Variants in ZBED4 observed in about 807,000 individuals in gnomAD.
ZBED4 encodes zinc finger BED-type containing 4, also known as zinc finger BED domain-containing protein 4.
Under a neutral mutation model 15.5 loss-of-function variants are expected in ZBED4, and 4 were observed. The ratio of observed to expected loss-of-function variants is 0.26; its 90% CI spans 0.13 to 0.59. ZBED4 has a LOEUF of 0.59. Among genes scored for constraint, ZBED4 ranks in the 20% least tolerant of loss-of-function variants. The pLI is 0.90. For missense variants in ZBED4, 1,323 were observed against 1,461.8 expected, an observed-to-expected ratio of 0.91 and a Z score of 1.55; for synonymous variants, 692 against 608.5, an observed-to-expected ratio of 1.14 and a Z score of -2.02.
At chr22:49,874,285 CAG>C (rs1180032677) in intron 1 of ZBED4, among the ~76,000 whole-genome samples, 13 of 152,252 alleles carry the variant, frequency 8.5e-5, no homozygotes, top group South Asian at 2.1e-4. Context: ...CTGGTTTGTG[CAG>C]AGTTTTTGCT....
Position 49,889,431 on chromosome 22 carries a change from G to A in ZBED4, c.*2253G>A, listed in dbSNP as rs1417712930. The A allele has an allele frequency of 6.0e-6, 1 of 167,046 alleles. No homozygotes were observed. Among genetic ancestry groups the A allele is most frequent in the Non-Finnish European group, 1.5e-5 (1 of 68,128 alleles). 10.3% of individuals were successfully genotyped at this position (167,046 alleles called of 1,614,324 possible). A position where few individuals can be genotyped will look rare whatever the true frequency, so the allele number is the denominator to read the frequency against. On this transcript the variant is annotated 3_prime_UTR_variant, in exon 2 of 2. Transcript: ENST00000216268. Reference sequence around the variant, plus strand: ...TGGCCCTTTCCAGAATAGCAAGTTTGCTGGCCCTTGAGCTAGCCTGCCTTT... The same window carrying A: ...TGGCCCTTTCCAGAATAGCAAGTTTACTGGCCCTTGAGCTAGCCTGCCTTT...
intron 1 of ZBED4, among the ~76,000 whole-genome samples, chr22:49,859,750 G>T (rs1053446852): frequency 4.6e-5 from 7 of 152,232 alleles, no homozygotes; most frequent in African/African-American, 1.7e-4. Flanking sequence ...GTTTTGCGGG[G>T]TGTGGTGGCT....
Position 49,886,965 on chromosome 22 carries a change from C to T in ZBED4, c.3303C>T (p.Leu1101=), listed in dbSNP as rs745983825. The T allele has an allele frequency of 1.1e-5, 17 of 1,614,136 alleles. No individual in the cohort carries two copies. The highest frequency in any genetic ancestry group is 1.4e-5 in the Non-Finnish European group (16 of 1,180,042). ...TGCTTGAACACAGCTGTGACCCGCT[C>T]ACCTACTGGAACCTGAAGAAGGCGT... ...EEVLEHSCDP[L]TYWNLKKASW... is the part of the protein sequence containing the mutation. The change falls in exon 2 of 2, where the codon CTC becomes CTT. Residue 1101 remains leucine (L), a synonymous_variant. Transcript: ENST00000216268. The surrounding 1 kb of genome is among the most constrained non-coding windows in gnomAD (Gnocchi z 7.7).
chr22:49,857,474 C>T (rs998499192), intron 1 of ZBED4, among the ~76,000 whole-genome samples: 1 of 152,204 alleles, frequency 6.6e-6, no homozygotes, highest in Admixed American at 6.5e-5. Flanking sequence ...TGGAAGGTGC[C>T]GTTTCCAAGA....
chr22:49,863,339 T>G (rs1453616601), intron 1 of ZBED4, among the ~76,000 whole-genome samples: 1 of 152,146 alleles, frequency 6.6e-6, no homozygotes, highest in African/African-American at 2.4e-5. Context: ...TTTAAAAATT[T>G]TTTTGTAGGC....
intron 1 of ZBED4, among the ~76,000 whole-genome samples, chr22:49,878,984 A>G (rs1411067743): frequency 4.6e-5 from 7 of 151,774 alleles, no homozygotes; most frequent in African/African-American, 1.7e-4. Context: ...CTCTACTAAA[A>G]ATACAAAAAA....
At position 49,889,109 on chromosome 22, in the gene ZBED4, T is replaced by C. The variant is rs983932846; in HGVS notation, c.*1931T>C. On this transcript the variant is annotated 3_prime_UTR_variant, in exon 2 of 2. Transcript: ENST00000216268. ...ACTCATTCATTCAACTGAGATGAAG[T>C]GCCCTCCCTTTTCCAGGGCCTGGGC... The C allele has an allele frequency of 1.8e-5, 3 of 167,256 alleles. No individual in the cohort carries two copies. The highest frequency in any genetic ancestry group is 4.4e-5 in the Non-Finnish European group (3 of 68,132). The allele number at this position is 167,256 out of a possible 1,614,324, so 10.4% of individuals were successfully genotyped here.
chr22:49,880,799 T>G (rs1436840302), intron 1 of ZBED4, among the ~76,000 whole-genome samples: 7 of 152,240 alleles, frequency 4.6e-5, no homozygotes, highest in African/African-American at 1.7e-4. Flanking sequence ...TGGGATCATA[T>G]TGAATTTATA....
intron 1 of ZBED4, among the ~76,000 whole-genome samples, chr22:49,873,698 A>G (rs2147525025): frequency 6.6e-6 from 1 of 151,982 alleles, no homozygotes; most frequent in South Asian, 2.1e-4. Context: ...ATGAGGTGAT[A>G]TGAGGTATTG....
intron 1 of ZBED4, among the ~76,000 whole-genome samples, chr22:49,876,843 C>T (rs2060378694): frequency 6.6e-6 from 1 of 152,168 alleles, no homozygotes; most frequent in Non-Finnish European, 1.5e-5. Context: ...TATAGGAATT[C>T]TCAGTTGCTG....
At chr22:49,864,813 C>G (rs1382929530) in intron 1 of ZBED4, among the ~76,000 whole-genome samples, 2 of 85,818 alleles carry the variant, frequency 2.3e-5, no homozygotes, top group African/African-American at 1.3e-4. Context: ...GAGTGAGACC[C>G]TGTCTCCAAA....
chr22:49,870,100 G>C (rs1159885779), intron 1 of ZBED4, among the ~76,000 whole-genome samples: 1 of 152,142 alleles, frequency 6.6e-6, no homozygotes, highest in African/African-American at 2.4e-5. Flanking sequence ...TCCTGTGTTT[G>C]TTCACTTAGG....
chr22:49,860,369 T>C (rs1005319307), intron 1 of ZBED4, among the ~76,000 whole-genome samples: 6 of 152,232 alleles, frequency 3.9e-5, no homozygotes, highest in African/African-American at 1.4e-4. Flanking sequence ...TCTTAAATTA[T>C]ATGTTATTCT....
rs1388680661 is a variant in ZBED4, at chr22:49,885,987, G to A, written c.2325G>A (p.Val775=). Residue 775 remains valine, a synonymous_variant, in exon 2 of 2, where the codon GTG becomes GTA. Coordinates refer to ENST00000216268, the MANE Select transcript of ZBED4 (RefSeq NM_014838.3). ...CGGCGCTGTTGGACGTGTCGCAGGT[G>A]GACTGCGACTACAGTGGCAACAGCA... is the stretch of plus-strand genomic sequence containing the variant. ...HCSALLDVSQ[V]DCDYSGNSIQ... is the part of the protein sequence containing the mutation. The A allele has an allele frequency of 2.6e-5, 18 of 696,276 alleles. No homozygotes were observed. In the East Asian group the frequency reaches 4.2e-4, roughly 16 times the overall value. 43.1% of individuals were successfully genotyped at this position (696,276 alleles called of 1,614,324 possible).
Position 49,887,352 on chromosome 22 carries a change from C to A in ZBED4, c.*174C>A. ...CGTGCCTTACCCCTTCTCCTTCAGG[C>A]CAAGTTTCGCGGGGTGTTTTATTAA... On this transcript the variant is annotated 3_prime_UTR_variant, in exon 2 of 2. Transcript: ENST00000216268. The A allele has an allele frequency of 1.8e-6, 1 of 569,568 alleles. No individual in the cohort carries two copies. The highest frequency in any genetic ancestry group is 3.0e-6 in the Non-Finnish European group (1 of 335,598). 35.3% of individuals were successfully genotyped at this position (569,568 alleles called of 1,614,324 possible).
At chr22:49,869,826 G>T (rs536057535) in intron 1 of ZBED4, among the ~76,000 whole-genome samples, 1 of 152,220 alleles carries the variant, frequency 6.6e-6, no homozygotes, top group Non-Finnish European at 1.5e-5. Context: ...TTTCAACTTT[G>T]ATTTTAGATT....
At chr22:49,866,889 C>T (rs992962523) in intron 1 of ZBED4, among the ~76,000 whole-genome samples, 1 of 152,196 alleles carries the variant, frequency 6.6e-6, no homozygotes, top group East Asian at 1.9e-4. Flanking sequence ...AACGGTGGCT[C>T]TCGGCAAATG....
At chr22:49,878,739 T>A (rs939779983) in intron 1 of ZBED4, among the ~76,000 whole-genome samples, 3 of 152,104 alleles carry the variant, frequency 2.0e-5, no homozygotes, top group Non-Finnish European at 4.4e-5. Flanking sequence ...CTCTTCAAAA[T>A]ACACTAGTAA....
rs1376473404 is a variant in ZBED4 at position 49,855,082 on chromosome 22, T to C, written c.-330+1093T>C. Among the ~76,000 whole-genome samples, 3 of 152,190 alleles carry C rather than the reference T, an allele frequency of 2.0e-5. No individual in the cohort carries two copies. In the South Asian group the frequency reaches 6.2e-4, roughly 32 times the overall value. On this transcript the variant is annotated intron_variant, in intron 1 of 1. Transcript: ENST00000216268. ...CAAAGTTACTTTGCAAGAGGAAAGT[T>C]TACAGGAGTTTGATTCCATACTCCG...
Sources: gnomAD v4.1 joint callset for allele counts (sites outside exome capture counted in the v4.1 genomes callset) on GRCh38, gnomAD v4.1.1 for gene constraint, Gnocchi (gnomAD v3.1) non-coding constraint, MANE v1.5 for transcripts, NCBI Gene and HGNC (gene_info 2026-07-23, HGNC 2026-07-21) for gene names.